Variants in HCN1 observed in about 807,000 individuals in gnomAD.
The protein encoded by HCN1 is potassium/sodium hyperpolarization-activated cyclic nucleotide-gated channel 1.
Under a neutral mutation model 78.9 loss-of-function variants are expected in HCN1, and 13 were observed. That is an observed-to-expected ratio of 0.16 (90% confidence interval 0.11 to 0.26). HCN1 has a LOEUF of 0.26. Among genes scored for constraint, HCN1 ranks in the 10% least tolerant of loss-of-function variants. HCN1 has a pLI of 1.00. For missense variants in HCN1, 810 were observed against 1,154.3 expected, an observed-to-expected ratio of 0.70 and a Z score of 4.32; for synonymous variants, 552 against 455.5, an observed-to-expected ratio of 1.21 and a Z score of -2.70.
At chr5:45,613,363 C>A (rs1228576595) in intron 2 of HCN1, among the ~76,000 whole-genome samples, 1 of 151,992 alleles carries the variant, frequency 6.6e-6, no homozygotes, top group Non-Finnish European at 1.5e-5. Flanking sequence ...CATAGTATTC[C>A]ATGGTGTATA....
At chr5:45,494,689 A>T (rs1741983743) in intron 2 of HCN1, among the ~76,000 whole-genome samples, 1 of 151,910 alleles carries the variant, frequency 6.6e-6, no homozygotes. Flanking sequence ...CTATGTCCTG[A>T]ATGGTAATGC....
intron 2 of HCN1, among the ~76,000 whole-genome samples, chr5:45,548,148 A>G (rs1743267617): frequency 6.6e-6 from 1 of 151,938 alleles, no homozygotes; most frequent in African/African-American, 2.4e-5. Flanking sequence ...TAACTCTAGA[A>G]TTGCCTAGGT....
intron 4 of HCN1, among the ~76,000 whole-genome samples, chr5:45,365,469 A>G (rs1394945109): frequency 2.6e-5 from 4 of 151,954 alleles, no homozygotes; most frequent in Admixed American, 2.0e-4. Context: ...CCTCTGAGGT[A>G]TTTCACTTAG....
In HCN1 at chr5:45,695,871, C is replaced by T. The variant is rs1374925949; in HGVS notation, c.223G>A (p.Glu75Lys). ...GGGGGGGGGGEEPAGGFEDAE... is the reference protein window; with the variant it reads ...GGGGGGGGGGKEPAGGFEDAE... ...TCTTCGAAGCCCCCCGCCGGCTCCTCGCCGCCGCCGCCGCCGCCGCCACCG... is the reference window on the plus strand; with the variant it reads ...TCTTCGAAGCCCCCCGCCGGCTCCTTGCCGCCGCCGCCGCCGCCGCCACCG... The change falls in exon 1 of 8, where the codon GAG becomes AAG. Residue 75 changes from glutamate (E) to lysine (K), a missense_variant. By Grantham distance (56) the Glu-to-Lys change is moderately conservative. This residue lies in a region of HCN1 where 170 missense variants were observed against 166.8 expected (regional missense o/e 1.02). Coordinates refer to ENST00000303230, the MANE Select transcript of HCN1 (RefSeq NM_021072.4). 7.0e-7 allele frequency: 1 copy of T among 1,426,526 alleles called. No homozygotes were observed. Among genetic ancestry groups the T allele is most frequent in the South Asian group, 1.4e-5 (1 of 71,694 alleles). 88.4% of individuals were successfully genotyped at this position (1,426,526 alleles called of 1,614,324 possible). A position where few individuals can be genotyped will look rare whatever the true frequency, so the allele number is the denominator to read the frequency against.
intron 2 of HCN1, among the ~76,000 whole-genome samples, chr5:45,566,045 C>T (rs752474621): frequency 6.6e-6 from 1 of 152,096 alleles, no homozygotes; most frequent in Non-Finnish European, 1.5e-5. Flanking sequence ...TCATGGTTCT[C>T]TTAAATTGAG....
chr5:45,343,945 T>G (rs1162444730), intron 5 of HCN1, among the ~76,000 whole-genome samples: 1 of 151,958 alleles, frequency 6.6e-6, no homozygotes, highest in African/African-American at 2.4e-5. Flanking sequence ...CTTAGAAAAA[T>G]TATCAATAAT....
intron 5 of HCN1, among the ~76,000 whole-genome samples, chr5:45,318,420 G>T (rs995263995): frequency 2.6e-5 from 4 of 152,028 alleles, no homozygotes; most frequent in Non-Finnish European, 4.4e-5. Flanking sequence ...GTCGTGGGGT[G>T]GGGGAGGGAG....
At chr5:45,585,693 A>G (rs1461406040) in intron 2 of HCN1, among the ~76,000 whole-genome samples, 1 of 152,050 alleles carries the variant, frequency 6.6e-6, no homozygotes, top group African/African-American at 2.4e-5. Flanking sequence ...TGATGTACAG[A>G]TGGGGTTTTG....
Position 45,259,984 on chromosome 5 carries a change from GATTAC to G in HCN1, c.*1932_*1936del, listed in dbSNP as rs1216859551. ...CATCATATGTCACCAGCATATTGAT[GATTAC>G]ATTACATCGACTAGCAGTTAATTAC... On this transcript the variant is annotated 3_prime_UTR_variant, in exon 8 of 8. Coordinates refer to ENST00000303230, the MANE Select transcript of HCN1 (RefSeq NM_021072.4). 6.6e-6 allele frequency: 1 copy of G among 152,580 alleles called. No individual in the cohort carries two copies. The highest frequency in any genetic ancestry group is 1.5e-5 in the Non-Finnish European group (1 of 68,012). 9.5% of individuals were successfully genotyped at this position (152,580 alleles called of 1,614,324 possible).
intron 5 of HCN1, among the ~76,000 whole-genome samples, chr5:45,311,416 T>G (rs1256886811): frequency 5.3e-5 from 8 of 152,202 alleles, no homozygotes; most frequent in African/African-American, 1.4e-4. Flanking sequence ...TTCTTACTTT[T>G]GCAATCAGCT....
chr5:45,564,664 T>TC (rs1360925125), intron 2 of HCN1, among the ~76,000 whole-genome samples: 3 of 152,196 alleles, frequency 2.0e-5, no homozygotes, highest in Non-Finnish European at 4.4e-5. Context: ...GAGCAAATAC[T>TC]CCTATTATCT....
At chr5:45,377,016 CT>C (rs1238466642) in intron 4 of HCN1, among the ~76,000 whole-genome samples, 2 of 151,906 alleles carry the variant, frequency 1.3e-5, no homozygotes, top group Non-Finnish European at 2.9e-5. Context: ...GGAATGCTAT[CT>C]TGGACAAGAA....
intron 2 of HCN1, among the ~76,000 whole-genome samples, chr5:45,566,763 T>G (rs949805357): frequency 6.6e-6 from 1 of 152,198 alleles, no homozygotes; most frequent in Non-Finnish European, 1.5e-5. Flanking sequence ...GATTAGCCCT[T>G]CTGCACTCTG....
At chr5:45,267,939 T>C (rs916772674) in intron 6 of HCN1, among the ~76,000 whole-genome samples, 1 of 146,708 alleles carries the variant, frequency 6.8e-6, no homozygotes, top group Admixed American at 6.8e-5. Context: ...CACAAAGGAG[T>C]TGAAAAAAGA....
chr5:45,311,207 A>T (rs1745846044), intron 5 of HCN1, among the ~76,000 whole-genome samples: 4 of 152,204 alleles, frequency 2.6e-5, no homozygotes. Context: ...CAAAGTTAGA[A>T]ATATATATTC....
chr5:45,280,675 A>G (rs1256973141), intron 6 of HCN1, among the ~76,000 whole-genome samples: 1 of 152,212 alleles, frequency 6.6e-6, no homozygotes, highest in East Asian at 1.9e-4. Flanking sequence ...GGTGCCAAAC[A>G]TGCTCATGCT....
At chr5:45,301,738 A>G (rs1217918924) in intron 6 of HCN1, among the ~76,000 whole-genome samples, 2 of 151,124 alleles carry the variant, frequency 1.3e-5, no homozygotes, top group Non-Finnish European at 2.9e-5. Flanking sequence ...AAAAAAAAAA[A>G]AAGAAAGAAA....
chr5:45,570,513 A>C (rs960421027), intron 2 of HCN1, among the ~76,000 whole-genome samples: 1 of 152,138 alleles, frequency 6.6e-6, no homozygotes. Context: ...CTGATAAGAC[A>C]AGCTATTTTG....
chr5:45,649,403 G>T (rs1745634217), intron 1 of HCN1, among the ~76,000 whole-genome samples: 1 of 151,988 alleles, frequency 6.6e-6, no homozygotes, highest in East Asian at 1.9e-4. Context: ...TACAAATGAT[G>T]AACCTACACT....
Sources: allele counts gnomAD v4.1 joint callset (sites outside exome capture counted in the v4.1 genomes callset), GRCh38; gene constraint gnomAD v4.1.1; regional missense constraint gnomAD v4.1.1; transcripts MANE v1.5; gene names NCBI Gene and HGNC (gene_info 2026-07-23, HGNC 2026-07-21).